Variants in RBM33 observed in about 807,000 individuals in gnomAD.
RBM33 encodes the protein RNA-binding protein 33.
Under a neutral mutation model 132.6 loss-of-function variants are expected in RBM33, and 28 were observed. The ratio of observed to expected loss-of-function variants is 0.21; its 90% CI spans 0.16 to 0.29. The LOEUF (loss-of-function observed/expected upper bound fraction) is 0.29. Ranked by LOEUF, RBM33 falls within the 10% of genes least tolerant of loss-of-function variation. The pLI is 1.00. For missense variants in RBM33, 1,291 were observed against 1,518.5 expected, an observed-to-expected ratio of 0.85 and a Z score of 2.49; for synonymous variants, 634 against 593.0, an observed-to-expected ratio of 1.07 and a Z score of -1.01.
At chr7:155,688,766 C>A (rs1253546505) in intron 5 of RBM33, among the ~76,000 whole-genome samples, 1 of 152,084 alleles carries the variant, frequency 6.6e-6, no homozygotes, top group East Asian at 1.9e-4. Flanking sequence ...TGTTTATATG[C>A]TGGATTATGT....
At chr7:155,653,785 AG>A (rs775045689) in intron 1 of RBM33, among the ~76,000 whole-genome samples, 1 of 152,086 alleles carries the variant, frequency 6.6e-6, no homozygotes, top group Non-Finnish European at 1.5e-5. Flanking sequence ...TGTTTTCCTG[AG>A]TCCTGTGAAT....
At position 155,762,398 on chromosome 7, in the gene RBM33, A is replaced by G. The variant is rs148607275; in HGVS notation, c.2980-1414A>G. ...AGCTGCCACACACTGCACTGTCCTC[A>G]CAGCTCAGGAATAAGTGCTTCTCCA... On this transcript the variant is annotated intron_variant, in intron 14 of 17. Transcript: ENST00000401878. Among the ~76,000 whole-genome samples the G allele has an allele frequency of 2.3e-3, 354 of 152,336 alleles. 1 individual carries two copies. The highest frequency in any genetic ancestry group is 7.8e-3 in the African/African-American group (323 of 41,572).
intron 1 of RBM33, among the ~76,000 whole-genome samples, chr7:155,657,931 G>A (rs1362541109): frequency 3.3e-5 from 5 of 152,130 alleles, no homozygotes; most frequent in Admixed American, 2.6e-4. Context: ...TAAAAATAAT[G>A]TATATTTTGC....
intron 14 of RBM33, among the ~76,000 whole-genome samples, chr7:155,747,864 GT>G (rs974112166): frequency 3.3e-5 from 5 of 152,268 alleles, no homozygotes; most frequent in Admixed American, 1.3e-4. Context: ...ATTGTTTTTT[GT>G]TTTTTTGTGG....
chr7:155,690,371 G>A (rs1799600893), intron 5 of RBM33, among the ~76,000 whole-genome samples: 1 of 152,026 alleles, frequency 6.6e-6, no homozygotes, highest in African/African-American at 2.4e-5. Flanking sequence ...GTCTCTGCAC[G>A]TGAGATGGGT....
intron 3 of RBM33, among the ~76,000 whole-genome samples, chr7:155,673,436 G>GTGTGTA (rs1199407607): frequency 1.0e-5 from 1 of 98,386 alleles, no homozygotes; most frequent in South Asian, 4.0e-4. Context: ...GTGTGTGTGT[G>GTGTGTA]TGTGTATGTG....
chr7:155,769,633 A>G (rs935102658), intron 16 of RBM33, among the ~76,000 whole-genome samples: 1 of 152,104 alleles, frequency 6.6e-6, no homozygotes, highest in Non-Finnish European at 1.5e-5. Flanking sequence ...CGTCTGACTG[A>G]CTGATTCTGC....
chr7:155,735,668 C>G (rs1801095166), intron 9 of RBM33, among the ~76,000 whole-genome samples: 1 of 151,766 alleles, frequency 6.6e-6, no homozygotes. Flanking sequence ...TGCACTCCAG[C>G]CTGGGTAACA....
intron 1 of RBM33, among the ~76,000 whole-genome samples, chr7:155,653,818 G>C (rs1798421186): frequency 6.6e-6 from 1 of 152,164 alleles, no homozygotes; most frequent in Non-Finnish European, 1.5e-5. Flanking sequence ...TAGCAATGGG[G>C]GGAGGTGTGA....
intron 16 of RBM33, among the ~76,000 whole-genome samples, chr7:155,771,251 A>T (rs1034468849): frequency 6.6e-6 from 1 of 152,222 alleles, no homozygotes; most frequent in African/African-American, 2.4e-5. Flanking sequence ...GCTGGCGACC[A>T]TGTCTTTAAG....
At chr7:155,672,703 C>A (rs566671029) in intron 2 of RBM33, among the ~76,000 whole-genome samples, 164 bp from the exon 3 acceptor site, 1 of 146,708 alleles carries the variant, frequency 6.8e-6, no homozygotes, top group African/African-American at 2.6e-5. Context: ...TGAGATTGCA[C>A]CATTGTACTC....
At chr7:155,731,082 C>T (rs1800941434) in intron 9 of RBM33, among the ~76,000 whole-genome samples, 1 of 152,186 alleles carries the variant, frequency 6.6e-6, no homozygotes, top group African/African-American at 2.4e-5. Flanking sequence ...CTGATCACAA[C>T]CTGTGGCAAA....
rs929580055 is a variant in RBM33, at chr7:155,706,690, T to C, written c.740-170T>C. 5 of 590,044 alleles carry C rather than the reference T, an allele frequency of 8.5e-6. No homozygotes were observed. In the African/African-American group the frequency reaches 9.3e-5, roughly 11 times the overall value. 36.6% of individuals were successfully genotyped at this position (590,044 alleles called of 1,614,324 possible). On this transcript the variant is annotated intron_variant, in intron 6 of 17. Transcript: ENST00000401878. ...TTTATCAGATCTCACTAGTGGGTTG[T>C]GTGTGTTGCTGGTTGTATCGTACTT... is the stretch of plus-strand genomic sequence containing the variant.
Position 155,780,978 on chromosome 7 carries a change from C to T in RBM33, c.*5937C>T, listed in dbSNP as rs1190100936. 6.5e-6 allele frequency: 1 copy of T among 152,802 alleles called. No individual in the cohort carries two copies. Among genetic ancestry groups the T allele is most frequent in the Admixed American group, 6.5e-5 (1 of 15,294 alleles). 9.5% of individuals were successfully genotyped at this position (152,802 alleles called of 1,614,324 possible). ...TAACCACCCGCTTCTTTGTTTCCCGCCCCTCTGCTTTCGCAGGAGCTCTTG... is the reference window on the plus strand; with the variant it reads ...TAACCACCCGCTTCTTTGTTTCCCGTCCCTCTGCTTTCGCAGGAGCTCTTG... On this transcript the variant is annotated 3_prime_UTR_variant, in exon 18 of 18. Transcript: ENST00000401878.
At chr7:155,696,364 TTAA>T (rs1351260844) in intron 5 of RBM33, among the ~76,000 whole-genome samples, 3 of 152,228 alleles carry the variant, frequency 2.0e-5, no homozygotes, top group African/African-American at 7.2e-5. Flanking sequence ...ATATTGCCTG[TTAA>T]TAATGACAGT....
intron 9 of RBM33, among the ~76,000 whole-genome samples, chr7:155,723,097 G>A (rs2116998806): frequency 6.6e-6 from 1 of 152,278 alleles, no homozygotes; most frequent in Admixed American, 6.5e-5. Context: ...TATAGTTTGG[G>A]CCACATTTGG....
At chr7:155,708,529 C>T (rs913683301) in intron 7 of RBM33, among the ~76,000 whole-genome samples, 3 of 152,260 alleles carry the variant, frequency 2.0e-5, no homozygotes, top group African/African-American at 7.2e-5. Flanking sequence ...GAGCACGTAT[C>T]TCTCACCTGC....
At chr7:155,673,794 A>ACACG (rs1563138154) in intron 3 of RBM33, among the ~76,000 whole-genome samples, 1 of 143,170 alleles carries the variant, frequency 7.0e-6, no homozygotes, top group Non-Finnish European at 1.5e-5. Flanking sequence ...ACACACACAC[A>ACACG]CACACACCCC....
At chr7:155,704,144 A>C (rs1414136747) in intron 6 of RBM33, among the ~76,000 whole-genome samples, 1 of 152,132 alleles carries the variant, frequency 6.6e-6, no homozygotes, top group African/African-American at 2.4e-5. Flanking sequence ...AAAAACATTC[A>C]TATATATGAC....
Sources: allele counts gnomAD v4.1 joint callset (sites outside exome capture counted in the v4.1 genomes callset), GRCh38; gene constraint gnomAD v4.1.1; transcripts MANE v1.5; gene names NCBI Gene and HGNC (gene_info 2026-07-23, HGNC 2026-07-21).